Variants in KATNAL2 observed in about 807,000 individuals in gnomAD.
KATNAL2 encodes katanin p60 ATPase-containing subunit A-like 2.
A neutral mutation model predicts 76.3 loss-of-function variants in KATNAL2; 52 were observed. The observed-to-expected ratio is 0.68, with a 90% CI of 0.55 to 0.86. The LOEUF is 0.86. Ranked by LOEUF, KATNAL2 falls within the 40% of genes least tolerant of loss-of-function variation. KATNAL2 has a pLI of 0.00. For synonymous variants in KATNAL2, 243 were observed against 244.2 expected (o/e 1.00, Z 0.05); for missense variants, 660 against 668.9 (o/e 0.99, Z 0.15).
intron 3 of KATNAL2, among the ~76,000 whole-genome samples, chr18:46,955,541 CTTTA>C (rs1327425590): frequency 1.3e-5 from 2 of 151,080 alleles, no homozygotes; most frequent in Non-Finnish European, 2.9e-5. Flanking sequence ...TTCCTTCCTT[CTTTA>C]TTTCTTTCAT....
chr18:46,934,952 A>T (rs998823645), intron 1 of KATNAL2, among the ~76,000 whole-genome samples: 3 of 152,200 alleles, frequency 2.0e-5, no homozygotes, highest in Non-Finnish European at 4.4e-5. Context: ...AAGATCAGAT[A>T]GTTGTAGATA....
intron 3 of KATNAL2, among the ~76,000 whole-genome samples, chr18:46,947,732 T>C (rs1358605609): frequency 2.6e-5 from 4 of 152,234 alleles, no homozygotes; most frequent in Non-Finnish European, 5.9e-5. Context: ...GCCAAGGTTA[T>C]GAACCACAGC....
At chr18:46,942,149 TACTG>T (rs1412141116) in intron 1 of KATNAL2, among the ~76,000 whole-genome samples, 2 of 152,208 alleles carry the variant, frequency 1.3e-5, no homozygotes, top group African/African-American at 4.8e-5. Context: ...TAATTGAAGA[TACTG>T]ACATATTCTT....
chr18:47,080,598 G>A (rs931043970), intron 15 of KATNAL2, among the ~76,000 whole-genome samples: 1 of 152,168 alleles, frequency 6.6e-6, no homozygotes, highest in Non-Finnish European at 1.5e-5. Flanking sequence ...ATTAGTTGAG[G>A]AACAGCCCAA....
At chr18:47,033,994 C>T in intron 3 of KATNAL2, 4 of 1,613,840 alleles carry the variant, frequency 2.5e-6, no homozygotes, top group Non-Finnish European at 2.5e-6. Flanking sequence ...AGCCGAATCC[C>T]AGGACTCACG....
intron 3 of KATNAL2, among the ~76,000 whole-genome samples, chr18:46,961,956 A>G (rs986601442): frequency 6.6e-6 from 1 of 152,210 alleles, no homozygotes; most frequent in Non-Finnish European, 1.5e-5. Flanking sequence ...CTTGAATTTC[A>G]GGGAGTCTGC....
In KATNAL2 at chr18:47,035,194, G is replaced by A. The variant is rs556213905; in HGVS notation, c.52-11263G>A. 3.7e-6 allele frequency: 6 copies of A among 1,612,530 alleles called. No individual in the cohort carries two copies. In the Admixed American group the frequency reaches 5.0e-5, roughly 13 times the overall value. On this transcript the variant is annotated intron_variant, in intron 3 of 17. Transcript: ENST00000683218. The stretch of plus-strand genomic sequence containing the variant: ...CTGCAAATATTTCTCTAGCTTTTTC[G>A]GCTCCGTCTTAGTGGCCAGACGCAC...
chr18:47,032,420 A>G (rs1049321931), intron 3 of KATNAL2, among the ~76,000 whole-genome samples: 10 of 152,074 alleles, frequency 6.6e-5, no homozygotes, highest in Admixed American at 1.3e-4. Flanking sequence ...GCTAGTTTTG[A>G]TATCTTTTGC....
At chr18:46,919,757 T>C (rs184571384) in intron 1 of KATNAL2, among the ~76,000 whole-genome samples, 1 of 152,346 alleles carries the variant, frequency 6.6e-6, no homozygotes, top group Admixed American at 6.5e-5. Flanking sequence ...ATTTGTTTAA[T>C]GAATAAAGGA....
At chr18:46,955,952 T>G (rs185894607) in intron 3 of KATNAL2, among the ~76,000 whole-genome samples, 1 of 152,316 alleles carries the variant, frequency 6.6e-6, no homozygotes, top group Admixed American at 6.5e-5. Context: ...TAGATATTTA[T>G]TGAGTGCCTA....
At chr18:47,044,559 G>A (rs2061085745) in intron 3 of KATNAL2, among the ~76,000 whole-genome samples, 1 of 151,844 alleles carries the variant, frequency 6.6e-6, no homozygotes, top group African/African-American at 2.4e-5. Flanking sequence ...AGGAGTTCGA[G>A]ACCAGCCTGG....
intron 1 of KATNAL2, 70 bp from the exon 2 acceptor site, chr18:46,945,987 A>T (rs2059373576): frequency 6.4e-6 from 1 of 156,482 alleles, no homozygotes. Flanking sequence ...TAGTCCTTTC[A>T]GAAAGCTTGC....
rs371092346 is a variant in KATNAL2, at chr18:46,921,635, T to A, written c.-510+3709T>A. ...AATTTATAAAGTGAAAGATGGTAAA[T>A]TTTTTGTATCTAAACAGCTAAGCTG... On this transcript the variant is annotated intron_variant, in intron 1 of 17. Transcript: ENST00000683218. Among the ~76,000 whole-genome samples the A allele has an allele frequency of 3.3e-5, 5 of 152,140 alleles. 1 individual carries two copies. Among genetic ancestry groups the A allele is most frequent in the African/African-American group, 1.2e-4 (5 of 41,498 alleles).
chr18:47,031,313 A>T (rs1055371444), intron 3 of KATNAL2, among the ~76,000 whole-genome samples: 3 of 152,076 alleles, frequency 2.0e-5, no homozygotes, highest in Non-Finnish European at 4.4e-5. Context: ...GAATGAGGAA[A>T]ACAGATCCAT....
chr18:47,034,700 G>A (rs1806921671), intron 3 of KATNAL2: 1 of 1,612,966 alleles, frequency 6.2e-7, no homozygotes, highest in Non-Finnish European at 8.5e-7. Flanking sequence ...TGCTTCCCGG[G>A]CGCAGCGGGC....
rs533499836 is a variant in KATNAL2, at chr18:47,033,749, G to C, written c.52-12708G>C. On this transcript the variant is annotated intron_variant, in intron 3 of 17. Transcript: ENST00000683218. ...ACCGGCATCTTAGCATTCACTCTGC[G>C]TCCAGGGAAAGCAGCTTCCTCCCGG... 6.2e-7 allele frequency: 1 copy of C among 1,614,210 alleles called. No individual in the cohort carries two copies. The highest frequency in any genetic ancestry group is 1.3e-5 in the African/African-American group (1 of 75,080).
intron 15 of KATNAL2, among the ~76,000 whole-genome samples, chr18:47,081,367 TTAA>T (rs2062512574): frequency 6.6e-6 from 1 of 152,206 alleles, no homozygotes; most frequent in East Asian, 1.9e-4. Context: ...ATTGGTGAAA[TTAA>T]TGTTAATAAC....
intron 1 of KATNAL2, among the ~76,000 whole-genome samples, chr18:46,942,275 G>A (rs985515822): frequency 1.1e-4 from 16 of 152,112 alleles, no homozygotes; most frequent in African/African-American, 3.9e-4. Flanking sequence ...TCCTTTTTCT[G>A]CAATTCTAAT....
At chr18:46,930,506 G>A (rs1351699675) in intron 1 of KATNAL2, among the ~76,000 whole-genome samples, 1 of 152,008 alleles carries the variant, frequency 6.6e-6, no homozygotes, top group African/African-American at 2.4e-5. Flanking sequence ...TTTATGTCCA[G>A]TGAATGAAGT....
Sources: gnomAD v4.1 joint callset for allele counts (sites outside exome capture counted in the v4.1 genomes callset) on GRCh38, gnomAD v4.1.1 for gene constraint, MANE v1.5 for transcripts, NCBI Gene and HGNC (gene_info 2026-07-23, HGNC 2026-07-21) for gene names.